Variants in VWA8 observed in about 807,000 individuals in gnomAD.
VWA8 encodes the protein von Willebrand factor A domain containing 8, also known as von Willebrand factor A domain-containing protein 8.
VWA8 carries 221 observed loss-of-function variants against 241.5 expected under a neutral mutation model. The ratio of observed to expected loss-of-function variants is 0.91; its 90% CI spans 0.82 to 1.02. The LOEUF (loss-of-function observed/expected upper bound fraction) is 1.02, where lower values mean the gene tolerates loss of function less well. Ranked by LOEUF, VWA8 falls within the 50% of genes least tolerant of loss-of-function variation. The pLI is 0.00. For missense variants in VWA8, 2,322 were observed against 2,328.7 expected (o/e 1.00, Z 0.06); for synonymous variants, 852 against 827.1 (o/e 1.03, Z -0.52).
intron 37 of VWA8, among the ~76,000 whole-genome samples, chr13:41,643,510 T>G (rs762154274): frequency 2.0e-5 from 3 of 152,258 alleles, no homozygotes; most frequent in Non-Finnish European, 4.4e-5. Flanking sequence ...TCTCATTGAC[T>G]GGAGCTGGTT....
At chr13:41,685,019 A>G in intron 35 of VWA8, 28 bp downstream of exon 35, 2 of 1,592,876 alleles carry the variant, frequency 1.3e-6, no homozygotes, top group Non-Finnish European at 1.7e-6. Context: ...CACCTTTGTA[A>G]ATTAGGAATT....
intron 39 of VWA8, among the ~76,000 whole-genome samples, chr13:41,605,712 G>GTTCC (rs147089953): frequency 0.02 from 2,995 of 152,188 alleles, 102 homozygotes; most frequent in African/African-American, 0.068. Context: ...TCCTAAGAGG[G>GTTCC]TTCCCATGGG....
intron 1 of VWA8, 122 bp downstream of exon 1, chr13:41,960,731 C>T (rs1039501111): frequency 7.5e-7 from 1 of 1,341,178 alleles, no homozygotes; most frequent in Non-Finnish European, 9.7e-7. Flanking sequence ...TCTTTCAGCT[C>T]CCCGCTCGGC....
chr13:41,794,183 G>A (rs946996811), intron 17 of VWA8, among the ~76,000 whole-genome samples: 2 of 151,922 alleles, frequency 1.3e-5, no homozygotes, highest in Non-Finnish European at 2.9e-5. Flanking sequence ...GAAAGTCAAT[G>A]GTAGTTTAAT....
intron 9 of VWA8, 32 bp downstream of exon 9, chr13:41,883,355 A>G: frequency 6.4e-7 from 1 of 1,556,156 alleles, no homozygotes; most frequent in Non-Finnish European, 8.9e-7. Context: ...AAAATGGGAA[A>G]AGAAAGGAAA....
At chr13:41,898,750 G>A (rs1875268893) in intron 4 of VWA8, among the ~76,000 whole-genome samples, 1 of 152,206 alleles carries the variant, frequency 6.6e-6, no homozygotes, top group Non-Finnish European at 1.5e-5. Context: ...GGCCCGGCGA[G>A]AAATCGAGCG....
intron 7 of VWA8, among the ~76,000 whole-genome samples, chr13:41,886,451 A>C (rs1371440649): frequency 1.3e-5 from 2 of 152,194 alleles, no homozygotes; most frequent in East Asian, 3.8e-4. Flanking sequence ...TCTATCTGGC[A>C]AAAACTTGCT....
chr13:41,695,030 A>C (rs754648721), intron 29 of VWA8, among the ~76,000 whole-genome samples: 5 of 152,166 alleles, frequency 3.3e-5, no homozygotes, highest in Non-Finnish European at 5.9e-5. Flanking sequence ...GTAAATGACT[A>C]ATGATAGATT....
intron 9 of VWA8, among the ~76,000 whole-genome samples, chr13:41,871,478 C>T (rs980020583): frequency 3.3e-5 from 5 of 152,164 alleles, no homozygotes; most frequent in African/African-American, 4.8e-5. Flanking sequence ...ACAACAGTCC[C>T]CAGAGTGTGA....
intron 2 of VWA8, among the ~76,000 whole-genome samples, chr13:41,948,647 G>A (rs1296385891): frequency 6.6e-6 from 1 of 152,080 alleles, no homozygotes; most frequent in Non-Finnish European, 1.5e-5. Context: ...AGGTAAAATG[G>A]TACAACTGCT....
chr13:41,843,685 T>A (rs1419318603), intron 12 of VWA8, among the ~76,000 whole-genome samples: 1 of 151,116 alleles, frequency 6.6e-6, no homozygotes, highest in Admixed American at 6.6e-5. Context: ...GAAATACAGA[T>A]CATCAATCAA....
chr13:41,912,172 T>C lies in VWA8; in HGVS notation c.242-4A>G, dbSNP rs771045677. 6.3e-6 allele frequency: 10 copies of C among 1,577,584 alleles called. No homozygotes were observed. In the African/African-American group the frequency reaches 9.5e-5, roughly 15 times the overall value. On this transcript the variant is annotated splice_polypyrimidine_tract_variant and splice_region_variant and intron_variant, in intron 2 of 44. Coordinates refer to ENST00000379310, the MANE Select transcript of VWA8 (RefSeq NM_015058.2). ...GATTGAGCCAGAGAGTCTGAAACTATAAAGAAAAAAGAGAAAATGAAGTGC... is the reference window on the plus strand; with the variant it reads ...GATTGAGCCAGAGAGTCTGAAACTACAAAGAAAAAAGAGAAAATGAAGTGC...
At chr13:41,725,922 ATAAC>A (rs2045429308) in intron 24 of VWA8, among the ~76,000 whole-genome samples, 3 of 152,214 alleles carry the variant, frequency 2.0e-5, no homozygotes, top group Non-Finnish European at 4.4e-5. Context: ...CAAAAATAGT[ATAAC>A]TGAGTATTTT....
chr13:41,744,908 G>T (rs945735806), intron 21 of VWA8, among the ~76,000 whole-genome samples: 2 of 151,992 alleles, frequency 1.3e-5, no homozygotes, highest in African/African-American at 4.8e-5. Flanking sequence ...CGCAATCTCG[G>T]CATACTGCAA....
intron 40 of VWA8, among the ~76,000 whole-genome samples, chr13:41,597,418 G>A (rs2139651745): frequency 6.6e-6 from 1 of 152,130 alleles, no homozygotes; most frequent in African/African-American, 2.4e-5. Context: ...ATCTGCTTAG[G>A]TTCCTAGGTG....
chr13:41,830,638 T>A lies in VWA8; in HGVS notation c.1591A>T (p.Ile531Phe). Residue 531 changes from isoleucine to phenylalanine, a missense_variant, in exon 14 of 45, where the codon ATC becomes TTC. By Grantham distance (21) the Ile-to-Phe change is conservative. Transcript: ENST00000379310. ...TAGAGGCTTAGCTCTCGATCATGGA[T>A]TAACCTAACAAGATAAGAAAAAAGC... ...AGTLAVLQRL[I>F]HDRELSLYDG... The A allele has an allele frequency of 6.2e-7, 1 of 1,612,784 alleles. No individual in the cohort carries two copies. The highest frequency in any genetic ancestry group is 2.2e-5 in the East Asian group (1 of 44,820).
intron 37 of VWA8, among the ~76,000 whole-genome samples, chr13:41,615,849 C>A (rs2044617436): frequency 6.6e-6 from 1 of 152,208 alleles, no homozygotes; most frequent in African/African-American, 2.4e-5. Context: ...TCCTAGTAGT[C>A]AGTTCAGTAG....
intron 43 of VWA8, 61 bp from the exon 44 acceptor site, chr13:41,570,767 G>A (rs2044296322): frequency 1.4e-5 from 21 of 1,466,420 alleles, no homozygotes; most frequent in South Asian, 3.6e-5. Flanking sequence ...TAACAAATAC[G>A]ATTATTTTTC....
chr13:41,960,628 C>A (rs1165219709), intron 1 of VWA8, among the ~76,000 whole-genome samples: 1 of 152,240 alleles, frequency 6.6e-6, no homozygotes, highest in African/African-American at 2.4e-5. Flanking sequence ...TTAGTCCAGA[C>A]CCCTCGGGTT....
Sources: gnomAD v4.1 joint callset for allele counts (sites outside exome capture counted in the v4.1 genomes callset) on GRCh38, gnomAD v4.1.1 for gene constraint, MANE v1.5 for transcripts, NCBI Gene and HGNC (gene_info 2026-07-23, HGNC 2026-07-21) for gene names.